Variants in TAB2 observed in about 807,000 individuals in gnomAD.
TAB2 encodes TGF-beta-activated kinase 1 and MAP3K7-binding protein 2.
Under a neutral mutation model 65.0 loss-of-function variants are expected in TAB2, and 3 were observed. That is an observed-to-expected ratio of 0.05 (90% confidence interval 0.02 to 0.12). The LOEUF (loss-of-function observed/expected upper bound fraction) is 0.12. Among genes scored for constraint, TAB2 ranks in the 10% least tolerant of loss-of-function variants. The pLI is 1.00. For synonymous variants in TAB2, 298 were observed against 285.1 expected (o/e 1.05, Z -0.46); for missense variants, 623 against 840.3 (o/e 0.74, Z 3.20).
At chr6:149,281,549 C>T (rs1286572302) in intron 1 of TAB2, among the ~76,000 whole-genome samples, 1 of 75,596 alleles carries the variant, frequency 1.3e-5, no homozygotes, top group African/African-American at 8.6e-5. Context: ...CAGCAAGATG[C>T]CATCTCAAAA....
In TAB2 at chr6:149,218,778, T is replaced by C. The variant is rs1431790800; in HGVS notation, c.-121+2T>C. The C allele has an allele frequency of 2.2e-6, 1 of 456,130 alleles. No individual in the cohort carries two copies. The allele number at this position is 456,130 out of a possible 1,614,324, so 28.3% of individuals were successfully genotyped here. A position where few individuals can be genotyped will look rare whatever the true frequency, so the allele number is the denominator to read the frequency against. On this transcript the variant is annotated splice_donor_variant, in intron 1 of 1. Coordinates refer to the TAB2 transcript ENST00000606202. LOFTEE classifies it low-confidence loss of function (5UTR_SPLICE). ...AAAGCAAACCAACTGAGAATGCAGG[T>C]AAGGCAGGAAACAGTCATTGTTTCT...
At chr6:149,408,645 T>C (rs1160100119) in intron 6 of TAB2, among the ~76,000 whole-genome samples, 1 of 152,192 alleles carries the variant, frequency 6.6e-6, no homozygotes, top group African/African-American at 2.4e-5. Context: ...ATGCTCCTTT[T>C]ACTTTAAACC....
At chr6:149,316,782 G>A (rs62426062), upstream of TAB2, among the ~76,000 whole-genome samples, 8,455 of 152,104 alleles carry the variant, frequency 0.056, 365 homozygotes, top group Non-Finnish European at 0.084. Context: ...CGAAACCCTC[G>A]CAGCATTTAG....
At chr6:149,338,798 T>G (rs1780011025) in intron 1 of TAB2, among the ~76,000 whole-genome samples, 1 of 152,228 alleles carries the variant, frequency 6.6e-6, no homozygotes, top group Non-Finnish European at 1.5e-5. Flanking sequence ...ATCCTACTCA[T>G]GGAACCAAAC....
intron 3 of TAB2, among the ~76,000 whole-genome samples, chr6:149,392,508 C>T (rs1782024091): frequency 6.6e-6 from 1 of 152,170 alleles, no homozygotes; most frequent in African/African-American, 2.4e-5. Context: ...CCTCTGTGTT[C>T]TGGCCCTTTC....
At chr6:149,368,319 C>CTTT (rs776978505) in intron 1 of TAB2, among the ~76,000 whole-genome samples, 6 of 151,890 alleles carry the variant, frequency 4.0e-5, no homozygotes, top group Non-Finnish European at 7.4e-5. Context: ...GTTTCATAAA[C>CTTT]TAAAAGTGTA....
At chr6:149,232,423 TC>T (rs1777423092) in intron 1 of TAB2, among the ~76,000 whole-genome samples, 1 of 152,128 alleles carries the variant, frequency 6.6e-6, no homozygotes, top group African/African-American at 2.4e-5. Context: ...AGACGGGGTT[TC>T]ACCATTTTGC....
At chr6:149,321,026 G>A (rs1461029279) in intron 1 of TAB2, 1 of 152,212 alleles carries the variant, frequency 6.6e-6, no homozygotes, top group Non-Finnish European at 1.5e-5. Flanking sequence ...AGAGACAGAG[G>A]ATAAGATGCT....
chr6:149,315,278 G>A (rs989794489), upstream of TAB2, among the ~76,000 whole-genome samples: 2 of 152,084 alleles, frequency 1.3e-5, no homozygotes, highest in Admixed American at 1.3e-4. Flanking sequence ...AAAACATCCG[G>A]ATTCACCAAT....
chr6:149,320,817 G>GA, intron 1 of TAB2, among the ~76,000 whole-genome samples: 1 of 152,124 alleles, frequency 6.6e-6, no homozygotes. Flanking sequence ...AACTGTAATT[G>GA]AAAAATCCAA....
intron 1 of TAB2, among the ~76,000 whole-genome samples, chr6:149,305,598 GA>G (rs796495585): frequency 3.2e-4 from 46 of 142,508 alleles, no homozygotes; most frequent in Admixed American, 4.2e-4. Context: ...GTAGTTCAAA[GA>G]AAAAAAAAAA....
intron 1 of TAB2, among the ~76,000 whole-genome samples, chr6:149,324,928 C>T (rs1369880364): frequency 6.6e-6 from 1 of 150,608 alleles, no homozygotes; most frequent in Non-Finnish European, 1.5e-5. Flanking sequence ...TCCTGAATAG[C>T]TGGGACTACA....
chr6:149,404,905 T>C (rs1156367175), intron 6 of TAB2, among the ~76,000 whole-genome samples: 1 of 152,000 alleles, frequency 6.6e-6, no homozygotes, highest in Non-Finnish European at 1.5e-5. Flanking sequence ...AAAGCAAAAA[T>C]GGGCAAGTGG....
At chr6:149,220,548 A>G (rs1036836725) in intron 1 of TAB2, among the ~76,000 whole-genome samples, 1 of 152,322 alleles carries the variant, frequency 6.6e-6, no homozygotes, top group African/African-American at 2.4e-5. Flanking sequence ...CACTACAAAT[A>G]GCATCAGAAA....
intron 1 of TAB2, among the ~76,000 whole-genome samples, chr6:149,291,969 T>C (rs1460655049): frequency 2.0e-5 from 3 of 152,234 alleles, no homozygotes; most frequent in Non-Finnish European, 4.4e-5. Context: ...GTAGAAGACA[T>C]GGTGCCAACC....
chr6:149,264,575 C>T (rs531979212), intron 1 of TAB2, among the ~76,000 whole-genome samples: 5 of 152,242 alleles, frequency 3.3e-5, no homozygotes, highest in South Asian at 2.1e-4. Flanking sequence ...GTCCACCACC[C>T]GAGTACAGTG....
chr6:149,231,972 G>A (rs1484257581), intron 1 of TAB2, among the ~76,000 whole-genome samples: 10 of 152,190 alleles, frequency 6.6e-5, no homozygotes, highest in East Asian at 3.8e-4. Flanking sequence ...AAAGGACAGC[G>A]AGAGGATCTA....
chr6:149,326,746 C>A (rs1347746144), intron 1 of TAB2, among the ~76,000 whole-genome samples: 1 of 152,074 alleles, frequency 6.6e-6, no homozygotes, highest in Admixed American at 6.6e-5. Flanking sequence ...CAGGGTTTCA[C>A]CATGTTGGCC....
chr6:149,265,440 A>G (rs1778242512), intron 1 of TAB2, among the ~76,000 whole-genome samples: 1 of 152,130 alleles, frequency 6.6e-6, no homozygotes, highest in Admixed American at 6.5e-5. Flanking sequence ...TCAGCTTCCC[A>G]CAATTGGGAT....
Sources: allele counts gnomAD v4.1 joint callset (sites outside exome capture counted in the v4.1 genomes callset), GRCh38; gene constraint gnomAD v4.1.1; transcripts MANE v1.5; gene names NCBI Gene and HGNC (gene_info 2026-07-23, HGNC 2026-07-21).